The following PDZD2 variants were observed in gnomAD, a reference collection of about 807,000 sequenced individuals.
The protein encoded by PDZD2 is PDZ domain containing 2, also known as PDZ domain-containing protein 2.
Under a neutral mutation model 220.7 loss-of-function variants are expected in PDZD2, and 90 were observed. The ratio of observed to expected loss-of-function variants is 0.41; its 90% CI spans 0.34 to 0.49. PDZD2 has a LOEUF of 0.49. PDZD2 is among the 20% of genes least tolerant of loss of function. The pLI is 0.28. For missense variants in PDZD2, 3,174 were observed against 3,608.5 expected, an observed-to-expected ratio of 0.88 and a Z score of 3.08; for synonymous variants, 1,375 against 1,450.5, an observed-to-expected ratio of 0.95 and a Z score of 1.18.
intron 1 of PDZD2, among the ~76,000 whole-genome samples, chr5:31,756,290 G>C (rs1751304692): frequency 6.6e-6 from 1 of 152,192 alleles, no homozygotes; most frequent in South Asian, 2.1e-4. Context: ...TTTCCTAAAG[G>C]CCAGTGTGCA....
At chr5:31,759,093 C>T (rs1042143055) in intron 1 of PDZD2, among the ~76,000 whole-genome samples, 2 of 152,198 alleles carry the variant, frequency 1.3e-5, no homozygotes, top group South Asian at 2.1e-4. Flanking sequence ...TGAGCTCCCC[C>T]ACGCCAGCAC....
At chr5:31,900,083 G>T (rs1309662594) in intron 2 of PDZD2, among the ~76,000 whole-genome samples, 1 of 152,216 alleles carries the variant, frequency 6.6e-6, no homozygotes, top group Non-Finnish European at 1.5e-5. Flanking sequence ...TGCCTGGCAG[G>T]TGGCACACAG....
At chr5:31,840,396 TTA>T (rs748170414) in intron 2 of PDZD2, 253 of 19,274 alleles carry the variant, frequency 0.013, no homozygotes, top group South Asian at 0.02. Context: ...GTCATTTTCA[TTA>T]TATATATATA....
chr5:31,671,746 C>T (rs1016638831), intron 1 of PDZD2, among the ~76,000 whole-genome samples: 1 of 152,252 alleles, frequency 6.6e-6, no homozygotes, highest in African/African-American at 2.4e-5. Context: ...AACCAGAAAG[C>T]CTGCATGCAG....
intron 3 of PDZD2, among the ~76,000 whole-genome samples, chr5:31,988,313 C>T (rs988454143): frequency 1.1e-4 from 16 of 152,120 alleles, no homozygotes; most frequent in African/African-American, 3.6e-4. Context: ...CCATCTCTCA[C>T]TGCTTTCTTT....
At chr5:31,903,366 G>T (rs1323885688) in intron 2 of PDZD2, among the ~76,000 whole-genome samples, 8 of 151,732 alleles carry the variant, frequency 5.3e-5, no homozygotes, top group African/African-American at 1.9e-4. Flanking sequence ...AATAGGAAAG[G>T]TCGGGCATGG....
At chr5:31,822,382 C>T (rs910684846) in intron 2 of PDZD2, among the ~76,000 whole-genome samples, 2 of 151,198 alleles carry the variant, frequency 1.3e-5, no homozygotes, top group African/African-American at 4.9e-5. Context: ...GTGATCCTCC[C>T]ACCTCAGCCC....
At chr5:32,010,044 G>T (rs142829652) in intron 5 of PDZD2, among the ~76,000 whole-genome samples, 9,860 of 141,428 alleles carry the variant, frequency 0.07, 348 homozygotes, top group Admixed American at 0.12. Context: ...CCGAGATCAC[G>T]CCACTGCACT....
At chr5:32,107,753 A>C (rs1006937808) in intron 24 of PDZD2, among the ~76,000 whole-genome samples, 3 of 152,134 alleles carry the variant, frequency 2.0e-5, no homozygotes, top group Non-Finnish European at 2.9e-5. Flanking sequence ...CTTACAGATT[A>C]TGTTTGGAGG....
intron 2 of PDZD2, among the ~76,000 whole-genome samples, chr5:31,803,647 C>G (rs1254239283): frequency 1.5e-4 from 23 of 152,044 alleles, no homozygotes; most frequent in Admixed American, 1.5e-3. Context: ...TGTTAAAGCT[C>G]TACTCACAAG....
intron 1 of PDZD2, among the ~76,000 whole-genome samples, chr5:31,682,580 C>T (rs39791): frequency 0.61 from 92,430 of 151,852 alleles, 28,467 homozygotes; most frequent in East Asian, 0.83. Flanking sequence ...AGCACTAATC[C>T]CCATTTAAAG....
chr5:31,689,325 A>C (rs1228160462), intron 1 of PDZD2, among the ~76,000 whole-genome samples: 1 of 66,544 alleles, frequency 1.5e-5, no homozygotes, highest in African/African-American at 9.5e-5. Flanking sequence ...ATACACATAT[A>C]TATACATATA....
Position 31,743,786 on chromosome 5 carries a change from G to T in PDZD2, c.-360-55103G>T, listed in dbSNP as rs552404314. Among the ~76,000 whole-genome samples the T allele has an allele frequency of 4.8e-4, 73 of 152,092 alleles. No individual in the cohort carries two copies. The South Asian group carries it at 0.015, about 32-fold the overall frequency. On this transcript the variant is annotated intron_variant, in intron 1 of 24. Transcript: ENST00000438447. ...TCTCAGCTAGGATATTGGTGCCTCA[G>T]ATATGAAAGAAATGGAAGAAACATG... is the stretch of plus-strand genomic sequence containing the variant.
rs144011945 is a variant in PDZD2, at chr5:31,958,241, T to C, written c.477-24914T>C. Reference sequence around the variant, plus strand: ...TGTGAAATAGAGGAAATTATCTTGATATTTTTGTTTGCTTTTTGTTTTTTT... The same window carrying C: ...TGTGAAATAGAGGAAATTATCTTGACATTTTTGTTTGCTTTTTGTTTTTTT... On this transcript the variant is annotated intron_variant, in intron 2 of 24. Coordinates refer to ENST00000438447, the MANE Select transcript of PDZD2 (RefSeq NM_178140.4). 4.1e-3 allele frequency among the ~76,000 whole-genome samples: 544 copies of C among 133,522 alleles called. 3 individuals carry two copies. The highest frequency in any genetic ancestry group is 0.015 in the African/African-American group (518 of 34,766). 87.6% of individuals were successfully genotyped at this position (133,522 alleles called of 152,430 possible).
chr5:32,042,606 G>A lies in PDZD2; in HGVS notation c.1519+5264G>A, dbSNP rs192910951. Among the ~76,000 whole-genome samples, 243 of 152,182 alleles carry A rather than the reference G, an allele frequency of 1.6e-3. 2 individuals carry two copies. The highest frequency in any genetic ancestry group is 5.6e-3 in the African/African-American group (232 of 41,536). ...AAGAAAAAAAAGAATGTGATTGACA[G>A]AATGAGTTATTTTGTGCTCATGACT... On this transcript the variant is annotated intron_variant, in intron 7 of 24. Transcript: ENST00000438447.
At chr5:31,785,449 A>C (rs114386201) in intron 1 of PDZD2, among the ~76,000 whole-genome samples, 2,885 of 149,186 alleles carry the variant, frequency 0.019, 84 homozygotes, top group African/African-American at 0.063. Flanking sequence ...TACATATATA[A>C]ATATATTGAG....
chr5:32,021,163 C>T (rs1286519228), intron 6 of PDZD2, among the ~76,000 whole-genome samples: 1 of 151,768 alleles, frequency 6.6e-6, no homozygotes, highest in Non-Finnish European at 1.5e-5. Flanking sequence ...CAGAAGTTCC[C>T]CTGTGGAATC....
chr5:31,678,050 A>G (rs567705555), intron 1 of PDZD2, among the ~76,000 whole-genome samples: 4 of 152,334 alleles, frequency 2.6e-5, no homozygotes, highest in Non-Finnish European at 5.9e-5. Context: ...TGTATGCTTT[A>G]AATATGTGTG....
intron 8 of PDZD2, 68 bp downstream of exon 8, chr5:32,048,752 C>A: frequency 6.6e-7 from 1 of 1,512,964 alleles, no homozygotes; most frequent in South Asian, 1.2e-5. Flanking sequence ...ACTGCCCATC[C>A]ATACAGGCCA....
Sources: allele counts gnomAD v4.1 joint callset (sites outside exome capture counted in the v4.1 genomes callset), GRCh38; gene constraint gnomAD v4.1.1; transcripts MANE v1.5; gene names NCBI Gene and HGNC (gene_info 2026-07-23, HGNC 2026-07-21).